Variants in SLC22A3 observed in about 807,000 individuals in gnomAD.
The protein encoded by SLC22A3 is EMT organic cation transporter 3.
SLC22A3 carries 51 observed loss-of-function variants against 59.1 expected under a neutral mutation model. The ratio of observed to expected loss-of-function variants is 0.86; its 90% CI spans 0.69 to 1.09. The LOEUF (loss-of-function observed/expected upper bound fraction) is 1.09, where lower values mean the gene tolerates loss of function less well. SLC22A3 is among the 50% of genes least tolerant of loss of function. The pLI, the probability that SLC22A3 is intolerant of heterozygous loss-of-function variation, is 0.00. For synonymous variants in SLC22A3, 325 were observed against 292.0 expected, an observed-to-expected ratio of 1.11 and a Z score of -1.15; for missense variants, 711 against 726.3, an observed-to-expected ratio of 0.98 and a Z score of 0.24.
intron 2 of SLC22A3, among the ~76,000 whole-genome samples, chr6:160,400,431 C>T (rs1359473601): frequency 6.6e-6 from 1 of 152,056 alleles, no homozygotes; most frequent in Non-Finnish European, 1.5e-5. Flanking sequence ...TCTAGCCTTT[C>T]TCCCCTAGTT....
chr6:160,406,103 G>A (rs887325913), intron 2 of SLC22A3, among the ~76,000 whole-genome samples: 17 of 152,154 alleles, frequency 1.1e-4, no homozygotes, highest in African/African-American at 2.7e-4. Flanking sequence ...GTCCCTGTAG[G>A]TTCGTCAATT....
At chr6:160,356,265 A>G (rs1039157515) in intron 1 of SLC22A3, among the ~76,000 whole-genome samples, 2 of 152,136 alleles carry the variant, frequency 1.3e-5, no homozygotes, top group African/African-American at 4.8e-5. Context: ...ATCGGCGGCC[A>G]TGGCCGCCCG....
At chr6:160,358,491 G>A (rs1358699217) in intron 1 of SLC22A3, among the ~76,000 whole-genome samples, 3 of 152,164 alleles carry the variant, frequency 2.0e-5, no homozygotes, top group African/African-American at 4.8e-5. Flanking sequence ...TACTAAGGAC[G>A]TGGCCAGGGT....
In SLC22A3 at chr6:160,348,716, C is replaced by T. The variant is rs1427034614; in HGVS notation, c.297C>T (p.Asn99=). 1 of 1,525,180 alleles carries T rather than the reference C, an allele frequency of 6.6e-7. No homozygotes were observed. The allele number at this position is 1,525,180 out of a possible 1,614,324, so 94.5% of individuals were successfully genotyped here. A position where few individuals can be genotyped will look rare whatever the true frequency, so the allele number is the denominator to read the frequency against. Residue 99 remains asparagine, a synonymous_variant, in exon 1 of 11, where the codon AAC becomes AAT. Coordinates refer to ENST00000275300, the MANE Select transcript of SLC22A3 (RefSeq NM_021977.4). ...RCQRYLLEAA[N]DSASATSALS... ...AGCGCTACCTCCTGGAGGCGGCCAA[C>T]GACAGCGCCTCCGCCACTAGCGCTC...
chr6:160,419,761 T>G (rs1247278779), intron 5 of SLC22A3, among the ~76,000 whole-genome samples: 1 of 152,208 alleles, frequency 6.6e-6, no homozygotes, highest in East Asian at 1.9e-4. Flanking sequence ...AACTGTAGTA[T>G]GTGTACCATC....
intron 8 of SLC22A3, 152 bp from the exon 9 acceptor site, chr6:160,443,478 T>C (rs1462322802): frequency 7.7e-6 from 5 of 650,964 alleles, no homozygotes; most frequent in Non-Finnish European, 1.4e-5. Context: ...GGAAATGTTT[T>C]GCTTAGAGTT....
intron 3 of SLC22A3, among the ~76,000 whole-genome samples, chr6:160,408,489 T>A (rs2114854788): frequency 6.6e-6 from 1 of 152,332 alleles, no homozygotes; most frequent in Non-Finnish European, 1.5e-5. Context: ...TTCCCTATTG[T>A]ACCCAGAAGA....
chr6:160,350,042 C>T (rs777934022), intron 1 of SLC22A3, among the ~76,000 whole-genome samples: 4 of 152,122 alleles, frequency 2.6e-5, no homozygotes, highest in African/African-American at 4.8e-5. Context: ...ATGTTTTATA[C>T]GCCATGTGCT....
intron 1 of SLC22A3, among the ~76,000 whole-genome samples, chr6:160,389,827 G>C (rs1335384912): frequency 6.6e-6 from 1 of 152,214 alleles, no homozygotes; most frequent in Admixed American, 6.5e-5. Flanking sequence ...GGACCTGCTG[G>C]TTGGGCTGAC....
At chr6:160,435,133 GA>G (rs1788290560) in intron 5 of SLC22A3, among the ~76,000 whole-genome samples, 1 of 152,110 alleles carries the variant, frequency 6.6e-6, no homozygotes, top group South Asian at 2.1e-4. Context: ...AAAGAGGATA[GA>G]AAAAATGACT....
In SLC22A3 at chr6:160,451,009, AAATGTGGCAGG is replaced by A; in HGVS notation, c.1628_1638del (p.Cys543Ter). The A allele has an allele frequency of 6.3e-7, 1 of 1,594,098 alleles. No individual in the cohort carries two copies. Among genetic ancestry groups the A allele is most frequent in the Non-Finnish European group, 8.6e-7 (1 of 1,168,186 alleles). On this transcript the variant is annotated frameshift_variant, in exon 11 of 11. Coordinates refer to ENST00000275300, the MANE Select transcript of SLC22A3 (RefSeq NM_021977.4). LOFTEE classifies it high-confidence loss of function. ...TTGTTTTTTCAGTCCACATTCCTGTAAATGTGGCAGGAATAAGAAAACCCCAGTTTCCCGCT... is the reference window on the plus strand; with the variant it reads ...TTGTTTTTTCAGTCCACATTCCTGTAAATAAGAAAACCCCAGTTTCCCGCT...
chr6:160,446,000 C>A (rs1008492748), intron 9 of SLC22A3, among the ~76,000 whole-genome samples: 1 of 152,284 alleles, frequency 6.6e-6, no homozygotes, highest in Non-Finnish European at 1.5e-5. Context: ...CCAAGCCCCC[C>A]AGAAAATCAG....
chr6:160,436,723 T>C (rs1236418464), intron 5 of SLC22A3, 57 bp from the exon 6 acceptor site: 14 of 1,106,630 alleles, frequency 1.3e-5, no homozygotes, highest in Non-Finnish European at 1.9e-5. Flanking sequence ...AAGTCTATAC[T>C]ATGCAGGTTT....
At chr6:160,377,971 T>C (rs945889301) in intron 1 of SLC22A3, among the ~76,000 whole-genome samples, 1 of 152,258 alleles carries the variant, frequency 6.6e-6, no homozygotes, top group Non-Finnish European at 1.5e-5. Flanking sequence ...TTGTATGTTT[T>C]TCTCCTAATC....
chr6:160,406,481 A>G (rs948335655), intron 2 of SLC22A3, among the ~76,000 whole-genome samples: 2 of 152,254 alleles, frequency 1.3e-5, no homozygotes, highest in African/African-American at 4.8e-5. Flanking sequence ...ATTTAAGAAC[A>G]ACTGACATTG....
At chr6:160,379,138 T>G (rs1785704525) in intron 1 of SLC22A3, among the ~76,000 whole-genome samples, 1 of 152,202 alleles carries the variant, frequency 6.6e-6, no homozygotes, top group Non-Finnish European at 1.5e-5. Context: ...CTCAGCATCA[T>G]GCCCTCACAT....
At chr6:160,384,480 G>A (rs919699061) in intron 1 of SLC22A3, among the ~76,000 whole-genome samples, 6 of 152,184 alleles carry the variant, frequency 3.9e-5, no homozygotes, top group African/African-American at 1.4e-4. Context: ...CTCACACTAA[G>A]GGTGAGGAAG....
intron 9 of SLC22A3, 120 bp downstream of exon 9, chr6:160,443,862 T>G: frequency 2.2e-6 from 1 of 464,852 alleles, no homozygotes; most frequent in Non-Finnish European, 3.7e-6. Flanking sequence ...TTATAATAAC[T>G]ATTTCATTGA....
intron 10 of SLC22A3, among the ~76,000 whole-genome samples, chr6:160,450,480 C>T (rs1365931003): frequency 6.6e-6 from 1 of 152,168 alleles, no homozygotes; most frequent in East Asian, 1.9e-4. Flanking sequence ...TTCAAACACA[C>T]ATGTTTTATA....
Sources: gnomAD v4.1 joint callset for allele counts (sites outside exome capture counted in the v4.1 genomes callset) on GRCh38, gnomAD v4.1.1 for gene constraint, MANE v1.5 for transcripts, NCBI Gene and HGNC (gene_info 2026-07-23, HGNC 2026-07-21) for gene names.